The following PDE6C variants were observed in gnomAD, a reference collection of about 807,000 sequenced individuals.
PDE6C encodes the protein cone cGMP-specific 3',5'-cyclic phosphodiesterase subunit alpha'.
PDE6C carries 75 observed loss-of-function variants against 113.1 expected under a neutral mutation model. The ratio of observed to expected loss-of-function variants is 0.66; its 90% confidence interval spans 0.55 to 0.80. The LOEUF is 0.80. Among genes scored for constraint, PDE6C ranks in the 30% least tolerant of loss-of-function variants. The pLI is 0.00. For synonymous variants in PDE6C, 375 were observed against 363.7 expected, an observed-to-expected ratio of 1.03 and a Z score of -0.35; for missense variants, 912 against 1,038.6, an observed-to-expected ratio of 0.88 and a Z score of 1.67.
At chr10:93,654,790 C>CTT (rs1170022413) in intron 15 of PDE6C, among the ~76,000 whole-genome samples, 3 of 69,062 alleles carry the variant, frequency 4.3e-5, no homozygotes, top group Non-Finnish European at 9.1e-5. Flanking sequence ...TTCTTTCTTT[C>CTT]TTTCTTTCTT....
chr10:93,664,129 T>C (rs2084259223), intron 21 of PDE6C, among the ~76,000 whole-genome samples: 1 of 152,210 alleles, frequency 6.6e-6, no homozygotes, highest in African/African-American at 2.4e-5. Context: ...TAAAGCCCGG[T>C]GTTAGGCAGG....
Position 93,643,913 on chromosome 10 carries a change from A to T in PDE6C, c.1848-2047A>T, listed in dbSNP as rs115694455. Among the ~76,000 whole-genome samples the T allele has an allele frequency of 7.2e-3, 1,101 of 152,044 alleles. 18 individuals are homozygous for T. The highest frequency in any genetic ancestry group is 0.025 in the African/African-American group (1,033 of 41,484). ...TACCACAATAATGTCCTTTATAGCT[A>T]TTTTTTCCTTCTAATTCAAGATCTA... On this transcript the variant is annotated intron_variant, in intron 14 of 21. Coordinates refer to ENST00000371447, the MANE Select transcript of PDE6C (RefSeq NM_006204.4).
In PDE6C at chr10:93,635,497, A is replaced by T. The variant is rs1429246300; in HGVS notation, c.1270A>T (p.Thr424Ser). The T allele has an allele frequency of 1.2e-6, 2 of 1,610,570 alleles. No homozygotes were observed. The highest frequency in any genetic ancestry group is 4.5e-5 in the East Asian group (2 of 44,848). ...FDEHDEYITE[T>S]LTQFLGWSLL... ...TAGAATCACCTTTTATCCATTTCAG[A>T]CTCTCACACAATTTCTTGGATGGTC... The change falls in exon 10 of 22, where the codon ACT becomes TCT. Residue 424 changes from threonine to serine, a missense_variant and splice_region_variant. Coordinates refer to ENST00000371447, the MANE Select transcript of PDE6C (RefSeq NM_006204.4).
intron 8 of PDE6C, among the ~76,000 whole-genome samples, chr10:93,630,241 T>A: frequency 6.6e-6 from 1 of 152,012 alleles, no homozygotes; most frequent in Admixed American, 6.5e-5. Flanking sequence ...GGAATCAGCT[T>A]CTGTATGTGC....
chr10:93,654,904 G>A (rs555493309), intron 15 of PDE6C, among the ~76,000 whole-genome samples: 8 of 150,392 alleles, frequency 5.3e-5, no homozygotes, highest in Non-Finnish European at 8.9e-5. Flanking sequence ...AGTCCCCAGC[G>A]TTAAGCAATC....
intron 13 of PDE6C, 49 bp downstream of exon 13, chr10:93,640,606 TGAGCATGATGAG>T: frequency 8.1e-7 from 1 of 1,228,440 alleles, no homozygotes; most frequent in Non-Finnish European, 1.2e-6. Flanking sequence ...ATTTCCCATT[TGAGCATGATGAG>T]AAATAGGTAT....
chr10:93,625,621 A>G lies in PDE6C; in HGVS notation c.911A>G (p.Tyr304Cys). 6.2e-7 allele frequency: 1 copy of G among 1,613,584 alleles called. No individual in the cohort carries two copies. The highest frequency in any genetic ancestry group is 8.5e-7 in the Non-Finnish European group (1 of 1,179,484). ...WPIKLGEVEP[Y>C]KGPKTPDGRE... ...ATCAAGCTTGGAGAAGTAGAGCCTT[A>G]TAAAGGTCCAAAGACACCTGATGGC... is the stretch of plus-strand genomic sequence containing the variant. Residue 304 changes from tyrosine to cysteine, a missense_variant, in exon 5 of 22, where the codon TAT becomes TGT. Physicochemically the swap from Tyr to Cys is radical, Grantham distance 194 (BLOSUM62 -2). Transcript: ENST00000371447.
rs566247625 is a variant in PDE6C at position 93,661,681 on chromosome 10, T to A, written c.2209-378T>A. Among the ~76,000 whole-genome samples, 3 of 152,312 alleles carry A rather than the reference T, an allele frequency of 2.0e-5. No individual in the cohort carries two copies. In the East Asian group the frequency reaches 5.8e-4, roughly 29 times the overall value. On this transcript the variant is annotated intron_variant, in intron 18 of 21. Coordinates refer to ENST00000371447, the MANE Select transcript of PDE6C (RefSeq NM_006204.4). ...AAAGCTACATACTAATGGGTGTATG[T>A]CACATGTGCATTCACAGACATATGC...
chr10:93,634,641 C>A, intron 8 of PDE6C, 117 bp from the exon 9 acceptor site: 1 of 1,022,712 alleles, frequency 9.8e-7, no homozygotes, highest in Non-Finnish European at 1.5e-6. Flanking sequence ...TTGTGTGAAA[C>A]TGGGTGAAGG....
intron 8 of PDE6C, among the ~76,000 whole-genome samples, chr10:93,632,184 C>T (rs2058504946): frequency 6.6e-6 from 1 of 152,188 alleles, no homozygotes; most frequent in Admixed American, 6.6e-5. Flanking sequence ...TTTTAAGGAT[C>T]CTTGTAATTA....
Position 93,640,971 on chromosome 10 carries a change from G to T in PDE6C, c.1789G>T (p.Ala597Ser). The change falls in exon 14 of 22, where the codon GCT (alanine) becomes TCT (serine). Residue 597 changes from alanine (A) to serine (S), a missense_variant. Coordinates refer to ENST00000371447, the MANE Select transcript of PDE6C (RefSeq NM_006204.4). ...YTDLEAFAMLAAAFCHDIDHR... is the reference protein window; with the variant it reads ...YTDLEAFAMLSAAFCHDIDHR... ...AGATCTCGAAGCCTTTGCCATGCTT[G>T]CTGCTGCTTTCTGCCATGATATTGA... 1 of 1,613,512 alleles carries T rather than the reference G, an allele frequency of 6.2e-7. No individual in the cohort carries two copies. The highest frequency in any genetic ancestry group is 1.1e-5 in the South Asian group (1 of 91,076).
intron 4 of PDE6C, among the ~76,000 whole-genome samples, chr10:93,625,283 T>C (rs2058468171): frequency 6.6e-6 from 1 of 152,230 alleles, no homozygotes; most frequent in Admixed American, 6.5e-5. Flanking sequence ...CATTGAGTAT[T>C]TTGAACTATG....
chr10:93,630,214 A>T (rs934402412), intron 8 of PDE6C, among the ~76,000 whole-genome samples: 8 of 151,484 alleles, frequency 5.3e-5, no homozygotes, highest in African/African-American at 1.9e-4. Context: ...GCCTCCACTC[A>T]CCGCCAGATG....
chr10:93,628,883 A>G (rs758329907), intron 7 of PDE6C, among the ~76,000 whole-genome samples: 1 of 152,176 alleles, frequency 6.6e-6, no homozygotes, highest in Non-Finnish European at 1.5e-5. Context: ...TAGGAAGAAG[A>G]AGAAGAAGAA....
rs139037995 is a variant in PDE6C at position 93,662,839 on chromosome 10, T to C, written c.2368-189T>C. Among the ~76,000 whole-genome samples the C allele has an allele frequency of 2.2e-3, 339 of 152,258 alleles. 2 individuals carry two copies. The highest frequency in any genetic ancestry group is 7.4e-3 in the African/African-American group (308 of 41,540). The stretch of plus-strand genomic sequence containing the variant: ...GGAGGGAACTCAGATGTGAGCGAAC[T>C]GAACACTTCCTTAGGCAGGCAGTAA... On this transcript the variant is annotated intron_variant, in intron 20 of 21. Transcript: ENST00000371447.
intron 21 of PDE6C, among the ~76,000 whole-genome samples, chr10:93,664,618 CTTT>C (rs1352350858): frequency 1.3e-5 from 2 of 152,134 alleles, no homozygotes; most frequent in African/African-American, 4.8e-5. Context: ...TTTATCTCAA[CTTT>C]ATTATGAAGA....
intron 7 of PDE6C, 46 bp downstream of exon 7, chr10:93,626,917 C>T (rs550901383): frequency 1.1e-5 from 16 of 1,463,084 alleles, no homozygotes; most frequent in Non-Finnish European, 1.5e-5. Context: ...TTGCAAGAAA[C>T]TCTTATTAGC....
At chr10:93,622,218 G>T in intron 4 of PDE6C, 146 bp downstream of exon 4, 3 of 876,376 alleles carry the variant, frequency 3.4e-6, no homozygotes, top group Non-Finnish European at 5.5e-6. Context: ...TGTGTGTCTT[G>T]GAGCAAAAAA....
At chr10:93,657,358 T>G (rs7917510) in intron 16 of PDE6C, among the ~76,000 whole-genome samples, 2 of 82,748 alleles carry the variant, frequency 2.4e-5, no homozygotes, top group Non-Finnish European at 5.4e-5. Context: ...TTTTTTTTTG[T>G]ATTTTAGTAG....
Sources: allele counts gnomAD v4.1 joint callset (sites outside exome capture counted in the v4.1 genomes callset), GRCh38; gene constraint gnomAD v4.1.1; transcripts MANE v1.5; gene names NCBI Gene and HGNC (gene_info 2026-07-23, HGNC 2026-07-21).